Variants in RALYL observed in about 807,000 individuals in gnomAD.
The protein encoded by RALYL is RALY RNA binding protein like.
In RALYL, 29 loss-of-function variants were observed where a neutral mutation model predicts 35.1. That is an observed-to-expected ratio of 0.83 (90% CI 0.61 to 1.13). The LOEUF is 1.13. Among genes scored for constraint, RALYL ranks in the 50% most tolerant of loss-of-function variants. RALYL has a pLI of 0.00. For synonymous variants in RALYL, 120 were observed against 127.6 expected (o/e 0.94, Z 0.40); for missense variants, 359 against 360.4 (o/e 1.00, Z 0.03).
chr8:84,918,959 A>T (rs1049155176), intron 8 of RALYL, among the ~76,000 whole-genome samples: 3 of 152,046 alleles, frequency 2.0e-5, no homozygotes, highest in Non-Finnish European at 2.9e-5. Flanking sequence ...TGTAAGAAAA[A>T]ATTATACTGG....
intron 1 of RALYL, among the ~76,000 whole-genome samples, chr8:84,344,082 G>A (rs572105859): frequency 1.5e-4 from 23 of 151,778 alleles, no homozygotes; most frequent in African/African-American, 3.9e-4. Flanking sequence ...GCAATCTTGC[G>A]CAACAGGAAT....
intron 1 of RALYL, among the ~76,000 whole-genome samples, chr8:84,232,545 A>T (rs1188473741): frequency 6.6e-6 from 1 of 152,166 alleles, no homozygotes; most frequent in Non-Finnish European, 1.5e-5. Flanking sequence ...ATAGTTTATA[A>T]CAATATATTA....
chr8:84,719,102 T>C (rs1843422458), intron 2 of RALYL, among the ~76,000 whole-genome samples: 1 of 152,170 alleles, frequency 6.6e-6, no homozygotes, highest in Non-Finnish European at 1.5e-5. Flanking sequence ...ATCTTTGTTA[T>C]GGATTCCTCT....
At chr8:84,793,728 T>C (rs978941127) in intron 3 of RALYL, among the ~76,000 whole-genome samples, 3 of 152,162 alleles carry the variant, frequency 2.0e-5, no homozygotes, top group African/African-American at 7.2e-5. Context: ...TGTCAACCTG[T>C]GGCAGTTTAA....
chr8:84,421,081 A>G (rs976697171), intron 1 of RALYL, among the ~76,000 whole-genome samples: 1 of 139,590 alleles, frequency 7.2e-6, no homozygotes, highest in Non-Finnish European at 1.5e-5. Flanking sequence ...CAATTCTGTG[A>G]AGAAAATCAT....
chr8:84,706,199 T>C (rs1841180643), intron 2 of RALYL: 3 of 779,480 alleles, frequency 3.8e-6, no homozygotes, highest in South Asian at 3.6e-5. Flanking sequence ...CCCTAACCTT[T>C]ATCTTTATTC....
At chr8:84,667,507 A>G (rs567008842) in intron 2 of RALYL, among the ~76,000 whole-genome samples, 2 of 152,250 alleles carry the variant, frequency 1.3e-5, no homozygotes, top group East Asian at 1.9e-4. Flanking sequence ...AAATCAAGAT[A>G]AAGGCTTGCT....
intron 8 of RALYL, among the ~76,000 whole-genome samples, chr8:84,903,087 C>G (rs17799389): frequency 0.44 from 66,043 of 151,820 alleles, 17,727 homozygotes; most frequent in African/African-American, 0.74. Flanking sequence ...TTATGCATAC[C>G]CCTTGTAACT....
intron 1 of RALYL, among the ~76,000 whole-genome samples, chr8:84,329,029 C>T (rs1846340695): frequency 6.6e-6 from 1 of 152,144 alleles, no homozygotes; most frequent in South Asian, 2.1e-4. Context: ...TAGGTTGATT[C>T]CATGCCTTTG....
chr8:84,883,796 TAATTTTGACATGGGA>T (rs1403727622), intron 7 of RALYL, among the ~76,000 whole-genome samples: 1 of 152,056 alleles, frequency 6.6e-6, no homozygotes, highest in African/African-American at 2.4e-5. Context: ...TAGGGGCGAA[TAATTTTGACATGGGA>T]AATTTGTCTA....
chr8:84,466,421 C>T (rs1227257804), intron 1 of RALYL, among the ~76,000 whole-genome samples: 4 of 148,774 alleles, frequency 2.7e-5, no homozygotes, highest in East Asian at 2.0e-4. Context: ...TTGTCTTTGG[C>T]TCTGTTTATA....
chr8:84,835,433 C>T (rs899600699), intron 4 of RALYL, among the ~76,000 whole-genome samples: 12 of 147,732 alleles, frequency 8.1e-5, no homozygotes, highest in Non-Finnish European at 1.3e-4. Flanking sequence ...TTTGGCAGGC[C>T]GAGGTGAGCG....
chr8:84,356,940 AACAC>A (rs1188670064), intron 1 of RALYL, among the ~76,000 whole-genome samples: 1 of 152,126 alleles, frequency 6.6e-6, no homozygotes, highest in Admixed American at 6.6e-5. Flanking sequence ...AATCACAACA[AACAC>A]AGCAGCAGTG....
chr8:84,538,570 C>A (rs1442203112), intron 2 of RALYL, among the ~76,000 whole-genome samples: 1 of 151,778 alleles, frequency 6.6e-6, no homozygotes, highest in Non-Finnish European at 1.5e-5. Flanking sequence ...AGTGCCTCCA[C>A]CAAAATGAAA....
At chr8:84,250,709 A>C (rs567229355) in intron 1 of RALYL, among the ~76,000 whole-genome samples, 150 of 152,306 alleles carry the variant, frequency 9.8e-4, no homozygotes, top group Non-Finnish European at 1.9e-3. Context: ...CGCTGTAGTC[A>C]ATGCTGGTTT....
At chr8:84,498,447 C>T (rs137910666) in intron 1 of RALYL, among the ~76,000 whole-genome samples, 1 of 151,996 alleles carries the variant, frequency 6.6e-6, no homozygotes, top group African/African-American at 2.4e-5. Context: ...GACTAAAAAG[C>T]CTCATCGAAG....
chr8:84,796,476 A>G (rs1821930334), intron 3 of RALYL, among the ~76,000 whole-genome samples: 1 of 152,228 alleles, frequency 6.6e-6, no homozygotes, highest in Admixed American at 6.5e-5. Context: ...TTTAGGCAAT[A>G]AATGAATTTT....
At chr8:84,468,157 T>C (rs2052024587) in intron 1 of RALYL, among the ~76,000 whole-genome samples, 1 of 152,054 alleles carries the variant, frequency 6.6e-6, no homozygotes, top group Non-Finnish European at 1.5e-5. Flanking sequence ...AAAGTTAATA[T>C]TGTTATGTGT....
intron 2 of RALYL, among the ~76,000 whole-genome samples, chr8:84,674,527 T>TAC (rs778347259): frequency 5.9e-5 from 9 of 152,292 alleles, no homozygotes; most frequent in Non-Finnish European, 1.3e-4. Flanking sequence ...CTTTCAACAT[T>TAC]ACTCTAAACA....
Sources: allele counts gnomAD v4.1 joint callset (sites outside exome capture counted in the v4.1 genomes callset), GRCh38; gene constraint gnomAD v4.1.1; transcripts MANE v1.5; gene names NCBI Gene and HGNC (gene_info 2026-07-23, HGNC 2026-07-21).